SLC29A2: variants seen among roughly 807,000 people sequenced by gnomAD.
SLC29A2 encodes solute carrier family 29 member 2.
In SLC29A2, 37 loss-of-function variants were observed where a neutral mutation model predicts 48.8. The ratio of observed to expected loss-of-function variants is 0.76; its 90% CI spans 0.58 to 1.00. SLC29A2 has a LOEUF of 1.00. Among genes scored for constraint, SLC29A2 ranks in the 50% least tolerant of loss-of-function variants. The pLI is 0.00. For synonymous variants in SLC29A2, 233 were observed against 261.7 expected (o/e 0.89, Z 1.06); for missense variants, 533 against 578.6 (o/e 0.92, Z 0.81).
intron 5 of SLC29A2, 70 bp downstream of exon 5, chr11:66,368,467 C>T (rs1296887997): frequency 1.9e-6 from 3 of 1,596,342 alleles, no homozygotes; most frequent in Admixed American, 1.7e-5. Context: ...GTGTCTTGCT[C>T]TCACATGCCC....
Position 66,366,139 on chromosome 11 carries a change from A to G in SLC29A2, c.960T>C (p.Ser320=). ...AITAMVTSST[S]PGKWSQFFNP... is the part of the protein sequence containing the mutation. ...CCTGACACTCACTCCACTTCCCAGG[A>G]CTGGTGGAGCTGGTCACCATGGCTG... The change falls in exon 9 of 12, where the codon AGT becomes AGC. Residue 320 remains serine, a synonymous_variant. Transcript: ENST00000357440. The G allele has an allele frequency of 6.2e-7, 1 of 1,613,874 alleles. No individual in the cohort carries two copies. Among genetic ancestry groups the G allele is most frequent in the Non-Finnish European group, 8.5e-7 (1 of 1,179,740 alleles).
rs911302289 is a variant in SLC29A2, at chr11:66,369,110, C to T, written c.365G>A (p.Ser122Asn). The change falls in exon 4 of 12, where the codon AGC becomes AAC. Residue 122 changes from serine to asparagine, a missense_variant. Ser to Asn is a conservative substitution (Grantham distance 46). Coordinates refer to ENST00000357440, the MANE Select transcript of SLC29A2 (RefSeq NM_001532.3). ...GGTGATGGAGAAGAAGGGTCCGGGG[C>T]TCATGTCCACCTTGACCAGCGCTGC... Reference protein sequence around the residue: ...LTAALVKVDMSPGPFFSITMA... With the variant: ...LTAALVKVDMNPGPFFSITMA... The T allele has an allele frequency of 6.3e-7, 1 of 1,594,892 alleles. No individual in the cohort carries two copies. Among genetic ancestry groups the T allele is most frequent in the East Asian group, 2.3e-5 (1 of 43,802 alleles).
At chr11:66,371,820 C>G (rs2135019902), upstream of SLC29A2, 1 of 564,576 alleles carries the variant, frequency 1.8e-6, no homozygotes, top group Admixed American at 3.3e-5. Context: ...GTCGCGCCAC[C>G]CGTCTCTCCT....
rs543210786 is a variant in SLC29A2, at chr11:66,371,528, C to T, written c.29+35G>A. 1.6e-4 allele frequency: 243 copies of T among 1,549,654 alleles called. 1 individual carries two copies. The East Asian group carries it at 5.3e-3, about 33-fold the overall frequency. ...CCTTCAGGGAGCGGGTCTGCAACGCCCCCGGCCACTTGCAACGCACCCGGG... is the reference window on the plus strand; with the variant it reads ...CCTTCAGGGAGCGGGTCTGCAACGCTCCCGGCCACTTGCAACGCACCCGGG... On this transcript the variant is annotated intron_variant, in intron 1 of 11. Coordinates refer to ENST00000357440, the MANE Select transcript of SLC29A2 (RefSeq NM_001532.3).
At chr11:66,365,793 G>T in intron 10 of SLC29A2, 143 bp downstream of exon 10, 2 of 797,894 alleles carry the variant, frequency 2.5e-6, no homozygotes, top group Non-Finnish European at 4.3e-6. Context: ...CGCCTCCAGG[G>T]CCCAAGTGCT....
upstream of SLC29A2, chr11:66,372,197 G>T (rs1856093766): frequency 6.6e-6 from 1 of 152,304 alleles, no homozygotes; most frequent in Admixed American, 6.5e-5. Flanking sequence ...GCCCGGGCGG[G>T]GGAACCAGAG....
rs905497061 is a variant in SLC29A2 at position 66,364,322 on chromosome 11, T to C, written c.1162A>G (p.Ile388Val). The C allele has an allele frequency of 1.2e-6, 2 of 1,613,614 alleles. No individual in the cohort carries two copies. The highest frequency in any genetic ancestry group is 2.7e-5 in the African/African-American group (2 of 74,730). The stretch of plus-strand genomic sequence containing the variant: ...AAGTAGGCATCCTGTGGGAAGAGGA[T>C]GGGCAGCCGGGACCTCTGGGGCACG... ...CHVPQRSRLP[I>V]LFPQDAYFIT... Residue 388 changes from isoleucine (I) to valine (V), a missense_variant, in exon 11 of 12, where the codon ATC (isoleucine) becomes GTC (valine). Transcript: ENST00000357440.
At chr11:66,371,511 G>A (rs1461545341) in intron 1 of SLC29A2, 52 bp downstream of exon 1, 2 of 1,545,730 alleles carry the variant, frequency 1.3e-6, no homozygotes, top group Non-Finnish European at 1.7e-6. Flanking sequence ...CGCCTTCAGG[G>A]AGCGGGTCTG....
chr11:66,367,016 G>T (rs560027843), intron 7 of SLC29A2, among the ~76,000 whole-genome samples: 1 of 152,210 alleles, frequency 6.6e-6, no homozygotes, highest in African/African-American at 2.4e-5. Flanking sequence ...GGCTGCAGGC[G>T]AAGGGAATTC....
At position 66,371,600 on chromosome 11, in the gene SLC29A2, C is replaced by G. The variant is rs1856049671; in HGVS notation, c.-9G>C. The G allele has an allele frequency of 6.5e-7, 1 of 1,548,064 alleles. No individual in the cohort carries two copies. ...GCGTCTCCTCGCGCCATGGCCGCCG[C>G]GGCGGATGCGCCTGGGGTGAAAGGG... On this transcript the variant is annotated 5_prime_UTR_variant, in exon 1 of 12. Transcript: ENST00000357440.
chr11:66,363,602 C>T, intron 11 of SLC29A2, 55 bp from the exon 12 acceptor site: 1 of 1,310,192 alleles, frequency 7.6e-7, no homozygotes, highest in South Asian at 1.3e-5. Context: ...AATCTGGACC[C>T]AGCTCCACTG....
chr11:66,371,542 A>C, intron 1 of SLC29A2, 21 bp downstream of exon 1: 3 of 1,550,290 alleles, frequency 1.9e-6, no homozygotes, highest in Non-Finnish European at 2.6e-6. Context: ...GGCCACTTGC[A>C]ACGCACCCGG....
At position 66,363,337 on chromosome 11, in the gene SLC29A2, G is replaced by A. The variant is rs553941215; in HGVS notation, c.*99C>T. ...CCTCAGGCCCAGGGGCCTCCACCCC[G>A]CAGAGGCCTGAGCCAAGCTCGCCAT... On this transcript the variant is annotated 3_prime_UTR_variant, in exon 12 of 12. Coordinates refer to ENST00000357440, the MANE Select transcript of SLC29A2 (RefSeq NM_001532.3). The A allele has an allele frequency of 4.2e-5, 40 of 960,716 alleles. No individual in the cohort carries two copies. The highest frequency in any genetic ancestry group is 1.8e-4 in the East Asian group (7 of 38,592). The allele number at this position is 960,716 out of a possible 1,614,324, so 59.5% of individuals were successfully genotyped here. A position where few individuals can be genotyped will look rare whatever the true frequency, so the allele number is the denominator to read the frequency against.
At chr11:66,367,592 A>C in intron 6 of SLC29A2, 44 bp from the exon 7 acceptor site, 2 of 1,598,234 alleles carry the variant, frequency 1.3e-6, no homozygotes, top group East Asian at 4.5e-5. Context: ...GGCTTGCCTG[A>C]GGTGTCTGGA....
intron 8 of SLC29A2, 37 bp downstream of exon 8, chr11:66,366,394 C>T (rs1855695728): frequency 3.7e-6 from 6 of 1,613,928 alleles, no homozygotes. Flanking sequence ...CCATTCTTCC[C>T]CAAAGATGGT....
chr11:66,364,202 C>T, intron 11 of SLC29A2, 23 bp downstream of exon 11: 1 of 1,549,208 alleles, frequency 6.5e-7, no homozygotes, highest in Non-Finnish European at 8.8e-7. Flanking sequence ...CCCAGCCCCC[C>T]ACCCCACCCC....
Position 66,365,917 on chromosome 11 carries a change from C to G in SLC29A2, c.1059+19G>C. On this transcript the variant is annotated intron_variant, in intron 10 of 11. Transcript: ENST00000357440. ...ACTGCTTCCTAAAACATCGGATCAC[C>G]CAGCCCTGGTGTGCTTACCCACAGG... 7 of 1,610,270 alleles carry G rather than the reference C, an allele frequency of 4.3e-6. No individual in the cohort carries two copies. The highest frequency in any genetic ancestry group is 5.9e-6 in the Non-Finnish European group (7 of 1,176,530).
chr11:66,366,304 T>C (rs1855689607), intron 8 of SLC29A2, 73 bp from the exon 9 acceptor site: 1 of 1,600,308 alleles, frequency 6.2e-7, no homozygotes, highest in African/African-American at 1.3e-5. Context: ...AAGCCCCATG[T>C]GGGAGCAGGA....
At chr11:66,363,608 C>T (rs774892181) in intron 11 of SLC29A2, 61 bp from the exon 12 acceptor site, 1 of 1,260,830 alleles carries the variant, frequency 7.9e-7, no homozygotes, top group South Asian at 1.3e-5. Flanking sequence ...GACCCAGCTC[C>T]ACTGCCCTCT....
Sources: gnomAD v4.1 joint callset for allele counts (sites outside exome capture counted in the v4.1 genomes callset) on GRCh38, gnomAD v4.1.1 for gene constraint, MANE v1.5 for transcripts, NCBI Gene and HGNC (gene_info 2026-07-23, HGNC 2026-07-21) for gene names.